Variants in PDPR observed in about 807,000 individuals in gnomAD.
PDPR encodes the protein pyruvate dehydrogenase phosphatase regulatory subunit, mitochondrial.
PDPR carries 50 observed loss-of-function variants against 102.2 expected under a neutral mutation model. The ratio of observed to expected loss-of-function variants is 0.49; its 90% confidence interval spans 0.39 to 0.62. The LOEUF is 0.62. Among genes scored for constraint, PDPR ranks in the 20% least tolerant of loss-of-function variants. PDPR has a pLI of 0.00. For synonymous variants in PDPR, 259 were observed against 406.0 expected (o/e 0.64, Z 4.35); for missense variants, 625 against 1,098.2 (o/e 0.57, Z 6.09).
At chr16:70,140,877 T>C (rs527835598) in intron 11 of PDPR, among the ~76,000 whole-genome samples, 16 of 152,290 alleles carry the variant, frequency 1.1e-4, no homozygotes, top group African/African-American at 3.6e-4. Flanking sequence ...CCGAAAGTAC[T>C]AGGAGATGGA....
intron 16 of PDPR, chr16:70,147,699 A>G (rs931569834): frequency 7.0e-5 from 30 of 428,860 alleles, no homozygotes; most frequent in Admixed American, 1.4e-4. Flanking sequence ...GACTCTTTGA[A>G]GTTCACCCAA....
At position 70,157,461 on chromosome 16, in the gene PDPR, G is replaced by A. The variant is rs1453115004; in HGVS notation, c.*582G>A. On this transcript the variant is annotated 3_prime_UTR_variant, in exon 19 of 19. Transcript: ENST00000288050. The stretch of plus-strand genomic sequence containing the variant: ...CCTCACTGATAAGAGGCATCGCATG[G>A]ACGTTCTCTGGTCTGTAGTGGAGAC... The A allele has an allele frequency of 2.9e-6, 1 of 344,248 alleles. No homozygotes were observed. The highest frequency in any genetic ancestry group is 5.7e-6 in the Non-Finnish European group (1 of 175,918). The allele number at this position is 344,248 out of a possible 1,614,324, so 21.3% of individuals were successfully genotyped here.
intron 3 of PDPR, among the ~76,000 whole-genome samples, chr16:70,121,039 C>T (rs1027705664): frequency 1.3e-4 from 19 of 150,178 alleles, no homozygotes; most frequent in African/African-American, 4.7e-4. Context: ...GTCCTCCCAC[C>T]TTGGCCTCCC....
At chr16:70,131,952 T>C in intron 8 of PDPR, 199 bp from the exon 9 acceptor site, 1 of 1,509,212 alleles carries the variant, frequency 6.6e-7, no homozygotes, top group South Asian at 1.2e-5. Context: ...ACTGAAAGGC[T>C]AAATGGGAGG....
intron 18 of PDPR, among the ~76,000 whole-genome samples, chr16:70,154,643 T>A (rs1489432724): frequency 6.6e-6 from 1 of 152,254 alleles, no homozygotes; most frequent in Non-Finnish European, 1.5e-5. Context: ...GTGGTTTTTT[T>A]CTTTTGTTTT....
chr16:70,123,788 C>T (rs1422708622), intron 3 of PDPR, among the ~76,000 whole-genome samples: 4 of 152,266 alleles, frequency 2.6e-5, no homozygotes, highest in Admixed American at 2.0e-4. Flanking sequence ...CACGATCGCT[C>T]ACACCTGTAA....
At chr16:70,141,185 C>T (rs1965678041) in intron 11 of PDPR, among the ~76,000 whole-genome samples, 1 of 152,236 alleles carries the variant, frequency 6.6e-6, no homozygotes, top group African/African-American at 2.4e-5. Context: ...TCCCGAGTAG[C>T]TGGGATTACA....
chr16:70,159,937 A>G lies in PDPR; in HGVS notation c.*3058A>G, dbSNP rs1273198019. ...TCTTCTGTCCCTAGAGATTTGAAGG[A>G]TTTTGGACTCTTGTGAATGGGTGAC... On this transcript the variant is annotated 3_prime_UTR_variant, in exon 19 of 19. Coordinates refer to ENST00000288050, the MANE Select transcript of PDPR (RefSeq NM_017990.5). The G allele has an allele frequency of 6.5e-6, 1 of 153,094 alleles. No homozygotes were observed. The allele number at this position is 153,094 out of a possible 1,614,324, so 9.5% of individuals were successfully genotyped here. A position where few individuals can be genotyped will look rare whatever the true frequency, so the allele number is the denominator to read the frequency against.
intron 3 of PDPR, among the ~76,000 whole-genome samples, chr16:70,121,984 T>C (rs1301824343): frequency 1.3e-5 from 2 of 152,152 alleles, no homozygotes; most frequent in African/African-American, 4.8e-5. Context: ...TAGGCTGTTT[T>C]CTTTTCTTTC....
rs1303009213 is a variant in PDPR, at chr16:70,143,162, T to C, written c.1606-348T>C. Among the ~76,000 whole-genome samples the C allele has an allele frequency of 3.3e-5, 5 of 152,216 alleles. No individual in the cohort carries two copies. In the East Asian group the frequency reaches 9.7e-4, roughly 29 times the overall value. ...TGAGATTGCGCCACTGCACTCAGCCTGGGCAACAGAGTGAGACTCCATCTC... is the reference window on the plus strand; with the variant it reads ...TGAGATTGCGCCACTGCACTCAGCCCGGGCAACAGAGTGAGACTCCATCTC... On this transcript the variant is annotated intron_variant, in intron 13 of 18. Transcript: ENST00000288050.
chr16:70,141,405 A>G (rs1025956354), intron 11 of PDPR, among the ~76,000 whole-genome samples: 1 of 152,272 alleles, frequency 6.6e-6, no homozygotes, highest in Middle Eastern at 3.2e-3. Context: ...CATTGGTACA[A>G]TACAATATAA....
chr16:70,145,803 T>C (rs560502395), intron 15 of PDPR: 5 of 476,154 alleles, frequency 1.1e-5, no homozygotes, highest in South Asian at 8.4e-5. Flanking sequence ...TTAAAGTCTG[T>C]ATACTTTTTG....
chr16:70,142,440 G>A (rs1217746931), intron 12 of PDPR, 51 bp downstream of exon 12: 1 of 1,612,714 alleles, frequency 6.2e-7, no homozygotes, highest in Non-Finnish European at 8.5e-7. Context: ...TTTGTCCTGG[G>A]AATTAATAAA....
chr16:70,137,353 C>T (rs1965259021), intron 10 of PDPR, among the ~76,000 whole-genome samples: 3 of 152,198 alleles, frequency 2.0e-5, no homozygotes, highest in Admixed American at 6.5e-5. Flanking sequence ...GAGACTCTAT[C>T]TCAATAAAAA....
intron 6 of PDPR, among the ~76,000 whole-genome samples, chr16:70,129,990 T>G (rs574923839): frequency 6.6e-5 from 10 of 152,386 alleles, no homozygotes; most frequent in African/African-American, 1.4e-4. Context: ...GGTTTTGTGT[T>G]TTTTTTAAAT....
chr16:70,135,056 C>G (rs1964972382), intron 9 of PDPR, among the ~76,000 whole-genome samples: 1 of 152,188 alleles, frequency 6.6e-6, no homozygotes, highest in Non-Finnish European at 1.5e-5. Context: ...AGACTGGAGA[C>G]TATGTGTCTA....
chr16:70,139,836 G>A lies in PDPR; in HGVS notation c.1315+813G>A, dbSNP rs369286884. Among the ~76,000 whole-genome samples the A allele has an allele frequency of 7.1e-4, 108 of 152,348 alleles. No individual in the cohort carries two copies. The East Asian group carries it at 0.015, about 22-fold the overall frequency. ...CTTATGCTCAGGACTAAGTTTCTGT[G>A]TTGGCTCTGACCACCATTCTTGGTT... On this transcript the variant is annotated intron_variant, in intron 11 of 18. Coordinates refer to ENST00000288050, the MANE Select transcript of PDPR (RefSeq NM_017990.5).
chr16:70,153,462 C>T lies in PDPR; in HGVS notation c.2124C>T (p.Tyr708=), dbSNP rs201643448. 1,365 of 1,613,254 alleles carry T rather than the reference C, an allele frequency of 8.5e-4. 6 individuals carry two copies. The African/African-American group carries it at 0.015, about 17-fold the overall frequency. Residue 708 remains tyrosine, a synonymous_variant, in exon 18 of 19, where the codon TAC becomes TAT. Transcript: ENST00000288050. ...ACGGAATCCGGAATGCTGGGTATTA[C>T]GCTCTTCGCAGTCTCCGAATTGAGA... ...QKYGIRNAGY[Y]ALRSLRIEKF...
intron 2 of PDPR, among the ~76,000 whole-genome samples, chr16:70,117,962 G>T (rs536223061): frequency 6.6e-6 from 1 of 151,878 alleles, no homozygotes; most frequent in African/African-American, 2.4e-5. Flanking sequence ...GCGTGGTGGC[G>T]CGTGCTTGTA....
Sources: gnomAD v4.1 joint callset for allele counts (sites outside exome capture counted in the v4.1 genomes callset) on GRCh38, gnomAD v4.1.1 for gene constraint, MANE v1.5 for transcripts, NCBI Gene and HGNC (gene_info 2026-07-23, HGNC 2026-07-21) for gene names.